Variants in TGS1 observed in about 807,000 individuals in gnomAD.
TGS1 encodes the protein trimethylguanosine synthase 1, also known as trimethylguanosine synthase.
In TGS1, 69 loss-of-function variants were observed where a neutral mutation model predicts 92.2. That is an observed-to-expected ratio of 0.75 (90% CI 0.62 to 0.91). The LOEUF (loss-of-function observed/expected upper bound fraction) is 0.91, where lower values mean the gene tolerates loss of function less well. TGS1 is among the 40% of genes least tolerant of loss of function. TGS1 has a pLI of 0.00. For missense variants in TGS1, 1,062 were observed against 1,001.2 expected (o/e 1.06, Z -0.82); for synonymous variants, 345 against 338.1 (o/e 1.02, Z -0.22).
chr8:55,792,776 A>G lies in TGS1; in HGVS notation c.1359A>G (p.Ser453=), dbSNP rs1811922522. ...SGSLLGFKYG[S]GQKYGGIPNF... is the part of the protein sequence containing the mutation. ...CCCTTCTAGGATTCAAGTATGGCTC[A>G]GGACAAAAGTAATTATTCATAAAAG... Residue 453 remains serine, a synonymous_variant, in exon 6 of 13, where the codon TCA becomes TCG. Coordinates refer to ENST00000260129, the MANE Select transcript of TGS1 (RefSeq NM_024831.8). 6.2e-7 allele frequency: 1 copy of G among 1,611,346 alleles called. No individual in the cohort carries two copies. The highest frequency in any genetic ancestry group is 8.5e-7 in the Non-Finnish European group (1 of 1,177,646).
intron 6 of TGS1, among the ~76,000 whole-genome samples, chr8:55,795,596 G>A (rs1812017943): frequency 6.6e-6 from 1 of 152,160 alleles, no homozygotes; most frequent in Admixed American, 6.5e-5. Flanking sequence ...CCAGAAATGT[G>A]TTAAAGAGCT....
In TGS1 at chr8:55,802,517, A is replaced by G. The variant is rs1037538492; in HGVS notation, c.1910A>G (p.Glu637Gly). ...AAAAAGGTGAATGGTCTGCCTCCTGAAATAGCTGCTGTTCCTGAGCTGGCA... is the reference window on the plus strand; with the variant it reads ...AAAAAGGTGAATGGTCTGCCTCCTGGAATAGCTGCTGTTCCTGAGCTGGCA... ...KNKKVNGLPPEIAAVPELAKY... is the reference protein window; with the variant it reads ...KNKKVNGLPPGIAAVPELAKY... The change falls in exon 9 of 13, where the codon GAA (glutamate) becomes GGA (glycine). Residue 637 changes from glutamate (E) to glycine (G), a missense_variant. Transcript: ENST00000260129. 3.7e-6 allele frequency: 6 copies of G among 1,614,148 alleles called. No homozygotes were observed. Among genetic ancestry groups the G allele is most frequent in the Non-Finnish European group, 1.7e-6 (2 of 1,179,992 alleles).
At chr8:55,773,830 C>T (rs1483020282) in intron 1 of TGS1, 111 bp downstream of exon 1, 3 of 832,370 alleles carry the variant, frequency 3.6e-6, no homozygotes, top group Non-Finnish European at 5.6e-6. Flanking sequence ...ACATCTGACC[C>T]TTGGGCACGG....
At position 55,824,876 on chromosome 8, in the gene TGS1, A is replaced by G. The variant is rs1485976401; in HGVS notation, c.*173A>G. ...GTGAAATATTTTGAGATCTTTGAAT[A>G]ATTCCTTTAGAGGAATTATACAAAA... On this transcript the variant is annotated 3_prime_UTR_variant, in exon 13 of 13. Coordinates refer to ENST00000260129, the MANE Select transcript of TGS1 (RefSeq NM_024831.8). 4.4e-6 allele frequency: 3 copies of G among 681,516 alleles called. No homozygotes were observed. Among genetic ancestry groups the G allele is most frequent in the Non-Finnish European group, 7.1e-6 (3 of 419,748 alleles). The allele number at this position is 681,516 out of a possible 1,614,324, so 42.2% of individuals were successfully genotyped here. A position where few individuals can be genotyped will look rare whatever the true frequency, so the allele number is the denominator to read the frequency against.
intron 1 of TGS1, among the ~76,000 whole-genome samples, chr8:55,781,990 A>G (rs1811576918): frequency 6.6e-6 from 1 of 152,152 alleles, no homozygotes; most frequent in South Asian, 2.1e-4. Flanking sequence ...ACTGTTCACA[A>G]TGGATAGTTT....
chr8:55,781,394 TTAAAA>T (rs1811558557), intron 1 of TGS1, among the ~76,000 whole-genome samples: 1 of 152,174 alleles, frequency 6.6e-6, no homozygotes, highest in East Asian at 1.9e-4. Context: ...TTTAAAAACA[TTAAAA>T]TAAATTTTAA....
chr8:55,812,876 A>G lies in TGS1; in HGVS notation c.2361-164A>G, dbSNP rs146160728. ...TATGGAGACAATATTTTGCTGAATT[A>G]CAAAATTTTGTATGTAATTCTCTTT... On this transcript the variant is annotated intron_variant, in intron 11 of 12. Transcript: ENST00000260129. Among the ~76,000 whole-genome samples, 49 of 152,322 alleles carry G rather than the reference A, an allele frequency of 3.2e-4. No individual in the cohort carries two copies. In the East Asian group the frequency reaches 8.1e-3, roughly 25 times the overall value.
In TGS1 at chr8:55,786,342, A is replaced by C. The variant is rs138313459; in HGVS notation, c.444A>C (p.Glu148Asp). The change falls in exon 4 of 13, where the codon GAA becomes GAC. Residue 148 changes from glutamate to aspartate, a missense_variant. Coordinates refer to ENST00000260129, the MANE Select transcript of TGS1 (RefSeq NM_024831.8). Reference protein sequence around the residue: ...VQESWRKEYEEDDILASDDPS... With the variant: ...VQESWRKEYEDDDILASDDPS... The stretch of plus-strand genomic sequence containing the variant: ...AATCTTGGAGAAAAGAATATGAAGA[A>C]GACGACATTTTGGCTTCAGATGATC... 35 of 1,610,312 alleles carry C rather than the reference A, an allele frequency of 2.2e-5. No individual in the cohort carries two copies. The African/African-American group carries it at 4.4e-4, about 20-fold the overall frequency.
chr8:55,776,574 C>T (rs1418709694), intron 1 of TGS1, among the ~76,000 whole-genome samples: 3 of 152,102 alleles, frequency 2.0e-5, no homozygotes, highest in Non-Finnish European at 2.9e-5. Flanking sequence ...CCACTGTGCC[C>T]GGCCCAGTGC....
chr8:55,786,774 A>G lies in TGS1; in HGVS notation c.876A>G (p.Leu292=), dbSNP rs1157324602. Residue 292 remains leucine, a synonymous_variant, in exon 4 of 13, where the codon TTA becomes TTG. Coordinates refer to ENST00000260129, the MANE Select transcript of TGS1 (RefSeq NM_024831.8). The part of the protein sequence containing the change: ...KNDEKCMKVD[L]VSFPSSPIMV... Reference sequence around the variant, plus strand: ...ATGAAAAATGCATGAAAGTTGACTTAGTATCTTTTCCATCTTCACCTATTA... The same window carrying G: ...ATGAAAAATGCATGAAAGTTGACTTGGTATCTTTTCCATCTTCACCTATTA... 7 of 1,614,098 alleles carry G rather than the reference A, an allele frequency of 4.3e-6. No homozygotes were observed. The highest frequency in any genetic ancestry group is 5.9e-6 in the Non-Finnish European group (7 of 1,180,058).
intron 6 of TGS1, among the ~76,000 whole-genome samples, chr8:55,793,881 G>T (rs1383179103): frequency 6.6e-6 from 1 of 151,852 alleles, no homozygotes; most frequent in Non-Finnish European, 1.5e-5. Flanking sequence ...GCCTCCCAAA[G>T]TGCTGGGATT....
intron 1 of TGS1, among the ~76,000 whole-genome samples, chr8:55,774,541 T>A (rs1032577116): frequency 1.1e-4 from 17 of 152,194 alleles, no homozygotes; most frequent in African/African-American, 3.6e-4. Flanking sequence ...CTTGTTAAAT[T>A]TAATGTAAAA....
chr8:55,806,053 A>G (rs934029700), intron 10 of TGS1, among the ~76,000 whole-genome samples: 1 of 151,388 alleles, frequency 6.6e-6, no homozygotes, highest in Non-Finnish European at 1.5e-5. Context: ...AGTGAGACCT[A>G]GGCTCTTAAA....
chr8:55,800,774 G>C (rs1197077557), intron 8 of TGS1, among the ~76,000 whole-genome samples: 3 of 152,160 alleles, frequency 2.0e-5, no homozygotes, highest in Non-Finnish European at 2.9e-5. Context: ...ACTGAATCAT[G>C]ATGACACTTT....
intron 6 of TGS1, among the ~76,000 whole-genome samples, chr8:55,793,431 G>A (rs988883201): frequency 6.6e-6 from 1 of 152,080 alleles, no homozygotes; most frequent in Middle Eastern, 3.2e-3. Flanking sequence ...GGTTGAGGGT[G>A]CTGTGATCCA....
At chr8:55,802,812 C>T (rs140732138) in intron 9 of TGS1, among the ~76,000 whole-genome samples, 17 of 152,270 alleles carry the variant, frequency 1.1e-4, no homozygotes, top group Admixed American at 2.6e-4. Context: ...ACATCATGCT[C>T]ATACTTCTTA....
intron 11 of TGS1, 58 bp downstream of exon 11, chr8:55,811,155 A>G: frequency 4.0e-6 from 2 of 497,206 alleles, no homozygotes; most frequent in Non-Finnish European, 7.4e-6. Flanking sequence ...AGAAAGGAGC[A>G]TGAGAGTGAG....
chr8:55,799,444 A>G (rs1812156867), intron 8 of TGS1, among the ~76,000 whole-genome samples: 1 of 152,168 alleles, frequency 6.6e-6, no homozygotes, highest in Admixed American at 6.5e-5. Flanking sequence ...CAAGTAGAAA[A>G]GGAAAGACTG....
rs759366417 is a variant in TGS1, at chr8:55,796,095, C to A, written c.1485C>A (p.Ile495=). ...AAATAAAGATGAAAAACAAACACAT[C>A]TTCTTTACCAAAGAGTCAGAAAAAC... ...RRQIKMKNKH[I]FFTKESEKPF... The change falls in exon 7 of 13, where the codon ATC becomes ATA. Residue 495 remains isoleucine (I), a synonymous_variant. Transcript: ENST00000260129. 1.2e-6 allele frequency: 2 copies of A among 1,612,988 alleles called. No individual in the cohort carries two copies. Among genetic ancestry groups the A allele is most frequent in the South Asian group, 2.2e-5 (2 of 91,006 alleles).
Sources: gnomAD v4.1 joint callset for allele counts (sites outside exome capture counted in the v4.1 genomes callset) on GRCh38, gnomAD v4.1.1 for gene constraint, MANE v1.5 for transcripts, NCBI Gene and HGNC (gene_info 2026-07-23, HGNC 2026-07-21) for gene names.